Variants in XIRP2 observed in about 807,000 individuals in gnomAD.
The protein encoded by XIRP2 is xin actin-binding repeat-containing protein 2.
Under a neutral mutation model 277.0 loss-of-function variants are expected in XIRP2, and 236 were observed. That is an observed-to-expected ratio of 0.85 (90% CI 0.77 to 0.95). XIRP2 has a LOEUF of 0.95. XIRP2 is among the 40% of genes least tolerant of loss of function. The pLI, the probability that XIRP2 is intolerant of heterozygous loss-of-function variation, is 0.00. For synonymous variants in XIRP2, 1,490 were observed against 1,416.5 expected, an observed-to-expected ratio of 1.05 and a Z score of -1.17; for missense variants, 4,640 against 4,157.5, an observed-to-expected ratio of 1.12 and a Z score of -3.19.
intron 2 of XIRP2, among the ~76,000 whole-genome samples, chr2:167,080,173 T>C (rs1689691213): frequency 6.6e-6 from 1 of 152,194 alleles, no homozygotes; most frequent in African/African-American, 2.4e-5. Context: ...TATTTAGCTA[T>C]TGTGTTGTTT....
At chr2:167,075,271 A>C in intron 2 of XIRP2, among the ~76,000 whole-genome samples, 1 of 152,178 alleles carries the variant, frequency 6.6e-6, no homozygotes. Flanking sequence ...GAGGGAGGTG[A>C]AGAAGAAAGG....
intron 2 of XIRP2, among the ~76,000 whole-genome samples, chr2:166,934,768 C>T (rs1275087482): frequency 6.6e-6 from 1 of 152,022 alleles, no homozygotes; most frequent in African/African-American, 2.4e-5. Flanking sequence ...AACCCAACTC[C>T]TTGGGAGGCT....
intron 5 of XIRP2, among the ~76,000 whole-genome samples, chr2:167,237,698 C>T (rs1321788832): frequency 6.6e-6 from 1 of 152,172 alleles, no homozygotes; most frequent in African/African-American, 2.4e-5. Context: ...TAGGCGGAGA[C>T]ATGATTCTAT....
intron 2 of XIRP2, among the ~76,000 whole-genome samples, chr2:166,929,107 A>G (rs1685261971): frequency 6.6e-6 from 1 of 151,916 alleles, no homozygotes. Flanking sequence ...TAGAAATACA[A>G]ATTTGGGGCT....
chr2:166,982,788 G>A (rs750624778), intron 2 of XIRP2, among the ~76,000 whole-genome samples: 25 of 152,002 alleles, frequency 1.6e-4, no homozygotes, highest in Admixed American at 3.3e-4. Context: ...ATCCATGCAC[G>A]CAAATTCCAA....
chr2:166,958,812 G>C (rs555069187), intron 2 of XIRP2, among the ~76,000 whole-genome samples: 33 of 151,802 alleles, frequency 2.2e-4, no homozygotes, highest in African/African-American at 7.2e-4. Flanking sequence ...TCTTATCCTA[G>C]TATCTTACAA....
intron 2 of XIRP2, among the ~76,000 whole-genome samples, chr2:167,038,852 G>C (rs1039245129): frequency 6.6e-6 from 1 of 151,964 alleles, no homozygotes; most frequent in Non-Finnish European, 1.5e-5. Context: ...ACAGTTGTTT[G>C]TAGACACAGA....
At chr2:166,995,630 C>G (rs531253754) in intron 2 of XIRP2, among the ~76,000 whole-genome samples, 1 of 152,352 alleles carries the variant, frequency 6.6e-6, no homozygotes, top group Admixed American at 6.5e-5. Flanking sequence ...ATTTCTCCAT[C>G]TCCTATAATA....
intron 2 of XIRP2, among the ~76,000 whole-genome samples, chr2:167,027,569 G>A (rs1379385843): frequency 6.6e-6 from 1 of 152,112 alleles, no homozygotes; most frequent in African/African-American, 2.4e-5. Context: ...TCCTTTGGAG[G>A]AGGAGAGGTA....
intron 2 of XIRP2, among the ~76,000 whole-genome samples, chr2:167,003,518 A>G (rs1388301818): frequency 6.6e-6 from 1 of 151,704 alleles, no homozygotes; most frequent in East Asian, 1.9e-4. Flanking sequence ...GCCCAGACAC[A>G]AAAATCAGAG....
chr2:167,195,123 C>A (rs949100880), intron 3 of XIRP2, among the ~76,000 whole-genome samples: 1 of 152,222 alleles, frequency 6.6e-6, no homozygotes, highest in East Asian at 1.9e-4. Context: ...TTCACAGATG[C>A]ACTCTTCAGC....
At chr2:167,072,729 T>C (rs1191158982) in intron 2 of XIRP2, among the ~76,000 whole-genome samples, 1 of 152,160 alleles carries the variant, frequency 6.6e-6, no homozygotes, top group African/African-American at 2.4e-5. Flanking sequence ...CAATCAGTAT[T>C]TACTATGGGA....
At chr2:167,187,007 C>A (rs1314645051) in intron 3 of XIRP2, among the ~76,000 whole-genome samples, 1 of 152,094 alleles carries the variant, frequency 6.6e-6, no homozygotes, top group Non-Finnish European at 1.5e-5. Context: ...CTTTTTCCAC[C>A]TGCTTTATTT....
In XIRP2 at chr2:167,242,751, TC is replaced by T; in HGVS notation, c.1361del (p.Pro454LeufsTer11). On this transcript the variant is annotated frameshift_variant, in exon 9 of 11. Transcript: ENST00000409195. LOFTEE classifies it high-confidence loss of function. The stretch of plus-strand genomic sequence containing the variant: ...CTTCAGGAATGACAGAAGAATTTCC[TC>T]CTCCCCCACCTGACGTACTTCAAAC... Reference protein sequence around the residue: ...TSSGMTEEFPPPPPDVLQTSV... With the variant: ...TSSGMTEEFPXPPPDVLQTSV... 6.2e-7 allele frequency: 1 copy of T among 1,614,024 alleles called. No homozygotes were observed. The highest frequency in any genetic ancestry group is 8.5e-7 in the Non-Finnish European group (1 of 1,179,930).
chr2:167,025,322 G>C (rs970001018), intron 2 of XIRP2, among the ~76,000 whole-genome samples: 1 of 152,002 alleles, frequency 6.6e-6, no homozygotes, highest in East Asian at 1.9e-4. Flanking sequence ...ATTTTTTATT[G>C]TGTCTATTTG....
chr2:167,249,458 A>T lies in XIRP2; in HGVS notation c.8066A>T (p.Gln2689Leu). Residue 2689 changes from glutamine to leucine, a missense_variant, in exon 9 of 11, where the codon CAG becomes CTG. Gln to Leu is a moderately radical substitution (Grantham distance 113, BLOSUM62 -2). Transcript: ENST00000409195. ...HQECSTQQTQ[Q>L]KKYLEQLHLP... ...GAATGTAGTACCCAACAAACACAACAGAAGAAGTATTTGGAGCAGTTGCAC... is the reference window on the plus strand; with the variant it reads ...GAATGTAGTACCCAACAAACACAACTGAAGAAGTATTTGGAGCAGTTGCAC... The T allele has an allele frequency of 6.2e-7, 1 of 1,613,840 alleles. No individual in the cohort carries two copies. The highest frequency in any genetic ancestry group is 8.5e-7 in the Non-Finnish European group (1 of 1,179,806).
At chr2:167,150,274 A>G (rs1691978563) in intron 3 of XIRP2, among the ~76,000 whole-genome samples, 2 of 152,048 alleles carry the variant, frequency 1.3e-5, no homozygotes, top group Admixed American at 1.3e-4. Context: ...TGGAGTGTAT[A>G]AAGAAAGAGA....
At chr2:167,021,316 A>G (rs1351404864) in intron 2 of XIRP2, among the ~76,000 whole-genome samples, 3 of 152,228 alleles carry the variant, frequency 2.0e-5, no homozygotes, top group East Asian at 3.9e-4. Context: ...AATAACTTCT[A>G]CAAACAAATA....
intron 2 of XIRP2, among the ~76,000 whole-genome samples, chr2:166,905,965 CTACTT>C (rs1215747465): frequency 2.0e-5 from 3 of 151,878 alleles, no homozygotes; most frequent in Non-Finnish European, 4.4e-5. Context: ...TCTCATGTGA[CTACTT>C]TATATTATTT....
Sources: gnomAD v4.1 joint callset for allele counts (sites outside exome capture counted in the v4.1 genomes callset) on GRCh38, gnomAD v4.1.1 for gene constraint, MANE v1.5 for transcripts, NCBI Gene and HGNC (gene_info 2026-07-23, HGNC 2026-07-21) for gene names.